MYO16: variants seen among roughly 807,000 people sequenced by gnomAD.
MYO16 encodes the protein myosin XVI.
MYO16 carries 94 observed loss-of-function variants against 205.3 expected under a neutral mutation model. That is an observed-to-expected ratio of 0.46 (90% CI 0.39 to 0.54). The LOEUF (loss-of-function observed/expected upper bound fraction) is 0.54, where lower values mean the gene tolerates loss of function less well. Ranked by LOEUF, MYO16 falls within the 20% of genes least tolerant of loss-of-function variation. The pLI, the probability that MYO16 is intolerant of heterozygous loss-of-function variation, is 0.00. For synonymous variants in MYO16, 988 were observed against 954.0 expected, an observed-to-expected ratio of 1.04 and a Z score of -0.66; for missense variants, 2,315 against 2,387.5, an observed-to-expected ratio of 0.97 and a Z score of 0.63.
chr13:109,196,669 C>T lies in MYO16; in HGVS notation c.5416-9940C>T, dbSNP rs147843868. On this transcript the variant is annotated intron_variant, in intron 34 of 34. Transcript: ENST00000457511. ...AGCTTGTTTATGAGAAATGCTGGCC[C>T]CACCCTAAGGGCTCCAGTAATACTG... Among the ~76,000 whole-genome samples the T allele has an allele frequency of 3.7e-3, 559 of 152,184 alleles. 3 individuals carry two copies. The highest frequency in any genetic ancestry group is 0.017 in the Middle Eastern group (5 of 294).
At chr13:108,941,270 T>TGGGAGTCAGTTTC (rs1460532346) in intron 16 of MYO16, among the ~76,000 whole-genome samples, 2 of 152,104 alleles carry the variant, frequency 1.3e-5, no homozygotes, top group African/African-American at 4.8e-5. Flanking sequence ...GAGAGGTCAC[T>TGGGAGTCAGTTTC]GGGAGTCAGT....
intron 1 of MYO16, among the ~76,000 whole-genome samples, chr13:108,644,844 T>A (rs560093668): frequency 3.4e-4 from 51 of 152,190 alleles, no homozygotes; most frequent in African/African-American, 1.1e-3. Flanking sequence ...TAGTCTGGAG[T>A]ATAGTCTGAA....
rs781703021 is a variant in MYO16, at chr13:109,127,537, A to C, written c.4038A>C (p.Glu1346Asp). Residue 1346 changes from glutamate to aspartate, a missense_variant, in exon 31 of 35, where the codon GAA (glutamate) becomes GAC (aspartate). Glu to Asp is a conservative substitution (Grantham distance 45, BLOSUM62 2). Coordinates refer to ENST00000457511, the MANE Select transcript of MYO16 (RefSeq NM_001198950.3). The surrounding 1 kb of genome is among the most constrained non-coding windows in gnomAD (Gnocchi z 4.2). ...AVSACLSAAREAANEALARPR... is the reference protein window; with the variant it reads ...AVSACLSAARDAANEALARPR... The stretch of plus-strand genomic sequence containing the variant: ...GCGCCTGCCTCTCCGCGGCCAGGGA[A>C]GCGGCCAACGAAGGTCAGCCCTGGG... The C allele has an allele frequency of 1.2e-6, 2 of 1,610,714 alleles. No homozygotes were observed. Among genetic ancestry groups the C allele is most frequent in the Non-Finnish European group, 1.7e-6 (2 of 1,179,800 alleles).
In MYO16 at chr13:109,019,157, T is replaced by C. The variant is rs184941308; in HGVS notation, c.2596-554T>C. Among the ~76,000 whole-genome samples, 581 of 152,040 alleles carry C rather than the reference T, an allele frequency of 3.8e-3. 1 individual carries two copies. The highest frequency in any genetic ancestry group is 6.5e-3 in the Non-Finnish European group (440 of 67,978). Reference sequence around the variant, plus strand: ...CTAATTTCTGTATTATTATTATTTTTAAATAGAGATGAGGTCTTACCATGT... The same window carrying C: ...CTAATTTCTGTATTATTATTATTTTCAAATAGAGATGAGGTCTTACCATGT... On this transcript the variant is annotated intron_variant, in intron 22 of 34. Coordinates refer to ENST00000457511, the MANE Select transcript of MYO16 (RefSeq NM_001198950.3).
chr13:108,581,778 G>T, the MYO16 span, among the ~76,000 whole-genome samples: 1 of 151,468 alleles, frequency 6.6e-6, no homozygotes, highest in Non-Finnish European at 1.5e-5. Context: ...CCAGCTACTC[G>T]GGAGACTGAG....
chr13:108,691,579 C>T (rs906228835), intron 2 of MYO16, among the ~76,000 whole-genome samples: 3 of 152,128 alleles, frequency 2.0e-5, no homozygotes, highest in Non-Finnish European at 2.9e-5. Context: ...CACCGTCCTG[C>T]CCAGCCTGGA....
At position 109,048,402 on chromosome 13, in the gene MYO16, G is replaced by T. The variant is rs755132755; in HGVS notation, c.2872+1411G>T. 16 of 708,504 alleles carry T rather than the reference G, an allele frequency of 2.3e-5. No individual in the cohort carries two copies. The Middle Eastern group carries it at 1.7e-3, about 75-fold the overall frequency. 43.9% of individuals were successfully genotyped at this position (708,504 alleles called of 1,614,324 possible). On this transcript the variant is annotated intron_variant, in intron 24 of 34. Coordinates refer to ENST00000457511, the MANE Select transcript of MYO16 (RefSeq NM_001198950.3). ...GTACCCTTTTGTATTTATACAGGAG[G>T]TGTCAGATTTTTTTTTTTGTAAAGG... is the stretch of plus-strand genomic sequence containing the variant.
At chr13:108,988,677 T>G (rs747079306) in intron 20 of MYO16, among the ~76,000 whole-genome samples, 2 of 151,974 alleles carry the variant, frequency 1.3e-5, no homozygotes, top group Non-Finnish European at 2.9e-5. Flanking sequence ...GGGAGGGAGG[T>G]AGGTATGAAG....
intron 1 of MYO16, among the ~76,000 whole-genome samples, chr13:108,606,376 G>A (rs535298251): frequency 2.8e-4 from 43 of 152,256 alleles, no homozygotes; most frequent in African/African-American, 1.0e-3. Flanking sequence ...CAGCCTCAGG[G>A]CCCCCTTTCT....
At chr13:109,070,991 A>G (rs969409414) in intron 27 of MYO16, among the ~76,000 whole-genome samples, 1 of 152,154 alleles carries the variant, frequency 6.6e-6, no homozygotes, top group Non-Finnish European at 1.5e-5. Flanking sequence ...TACCAACTAC[A>G]TCATTGTGAG....
At chr13:108,576,310 AC>A in the MYO16 span, among the ~76,000 whole-genome samples, 1 of 152,190 alleles carries the variant, frequency 6.6e-6, no homozygotes, top group African/African-American at 2.4e-5. Context: ...CAGGCTCTGT[AC>A]ATCCCTGGAG....
At chr13:108,626,975 A>ATT (rs1392017933), upstream of MYO16, among the ~76,000 whole-genome samples, 10 of 145,624 alleles carry the variant, frequency 6.9e-5, no homozygotes, top group Non-Finnish European at 1.3e-4. Context: ...TATATTATAT[A>ATT]TTATATATAT....
chr13:108,774,081 ACT>A (rs927805302), intron 4 of MYO16, among the ~76,000 whole-genome samples: 80 of 152,052 alleles, frequency 5.3e-4, no homozygotes, highest in African/African-American at 1.9e-3. Context: ...ACAGAGCGAG[ACT>A]CTGTCTCAAA....
chr13:108,993,565 G>A (rs12859344), intron 21 of MYO16, among the ~76,000 whole-genome samples: 9,118 of 152,192 alleles, frequency 0.06, 372 homozygotes, highest in Non-Finnish European at 0.092. Flanking sequence ...GAGTCAGCAC[G>A]AACCACGTTC....
intron 23 of MYO16, among the ~76,000 whole-genome samples, chr13:109,040,385 C>CACACAGAGAGAGAG (rs1394314811): frequency 1.9e-4 from 21 of 113,284 alleles, no homozygotes; most frequent in East Asian, 1.1e-3. Flanking sequence ...CACACACACA[C>CACACAGAGAGAGAG]AGAGAGAGAG....
the MYO16 span, among the ~76,000 whole-genome samples, chr13:108,500,219 TTGTTTTTTTTTTGTTTTTTTTG>T: frequency 0.21 from 1,364 of 6,354 alleles, 434 homozygotes; most frequent in African/African-American, 0.23. Flanking sequence ...TTTTTTTTTT[TTGTTTTTTTTTTGTTTTTTTTG>T]TTTTTTTTTT....
intron 27 of MYO16, among the ~76,000 whole-genome samples, chr13:109,064,671 C>A (rs1256126743): frequency 2.0e-5 from 3 of 152,074 alleles, no homozygotes; most frequent in Non-Finnish European, 4.4e-5. Context: ...CTAGGATATG[C>A]TCTTCCTGAG....
intron 4 of MYO16, among the ~76,000 whole-genome samples, chr13:108,773,316 A>G (rs1013512807): frequency 2.0e-5 from 3 of 152,230 alleles, no homozygotes; most frequent in African/African-American, 4.8e-5. Context: ...TAAGGTTGCC[A>G]TAATAGAATA....
chr13:108,949,268 G>A (rs1252202287), intron 16 of MYO16, among the ~76,000 whole-genome samples: 1 of 152,118 alleles, frequency 6.6e-6, no homozygotes, highest in East Asian at 1.9e-4. Flanking sequence ...CAGGCTTTGT[G>A]AAAAAGGGGA....
Sources: gnomAD v4.1 joint callset for allele counts (sites outside exome capture counted in the v4.1 genomes callset) on GRCh38, gnomAD v4.1.1 for gene constraint, Gnocchi (gnomAD v3.1) non-coding constraint, MANE v1.5 for transcripts, NCBI Gene and HGNC (gene_info 2026-07-23, HGNC 2026-07-21) for gene names.